COL19A1: variants seen among roughly 807,000 people sequenced by gnomAD.
COL19A1 encodes collagen type XIX alpha 1 chain.
A neutral mutation model predicts 190.2 loss-of-function variants in COL19A1; 159 were observed. The ratio of observed to expected loss-of-function variants is 0.84; its 90% CI spans 0.73 to 0.95. The LOEUF (loss-of-function observed/expected upper bound fraction) is 0.95, where lower values mean the gene tolerates loss of function less well. Ranked by LOEUF, COL19A1 falls within the 40% of genes least tolerant of loss-of-function variation. The pLI is 0.00. For synonymous variants in COL19A1, 509 were observed against 458.9 expected, an observed-to-expected ratio of 1.11 and a Z score of -1.39; for missense variants, 1,418 against 1,431.9, an observed-to-expected ratio of 0.99 and a Z score of 0.16.
chr6:69,975,489 A>T (rs1775663937), intron 11 of COL19A1, among the ~76,000 whole-genome samples: 1 of 152,214 alleles, frequency 6.6e-6, no homozygotes, highest in Admixed American at 6.5e-5. Context: ...CTAGAATCAC[A>T]CATGTTTAGA....
chr6:70,053,372 G>A (rs1302256856), intron 14 of COL19A1, among the ~76,000 whole-genome samples: 5 of 152,110 alleles, frequency 3.3e-5, no homozygotes, highest in Non-Finnish European at 5.9e-5. Context: ...TTGAAAATTA[G>A]GGTTTTTTTC....
intron 18 of COL19A1, among the ~76,000 whole-genome samples, chr6:70,132,875 T>G (rs974363991): frequency 1.3e-5 from 2 of 152,168 alleles, no homozygotes; most frequent in African/African-American, 4.8e-5. Flanking sequence ...AAGCATGCAT[T>G]TCCTCATTCA....
chr6:70,185,760 A>G (rs1329634100), intron 46 of COL19A1, among the ~76,000 whole-genome samples: 1 of 152,192 alleles, frequency 6.6e-6, no homozygotes, highest in African/African-American at 2.4e-5. Flanking sequence ...GTGTAATTCT[A>G]TTAAGGGTTG....
chr6:69,912,036 A>T (rs946027731), intron 4 of COL19A1, among the ~76,000 whole-genome samples: 2 of 152,176 alleles, frequency 1.3e-5, no homozygotes, highest in South Asian at 4.1e-4. Context: ...CAGCTGTCCT[A>T]ATTCCAATGC....
chr6:70,139,057 C>G (rs2150232084), intron 19 of COL19A1, among the ~76,000 whole-genome samples: 1 of 152,074 alleles, frequency 6.6e-6, no homozygotes, highest in African/African-American at 2.4e-5. Context: ...CATGGAGGAC[C>G]CTGCAGTAAG....
At chr6:70,046,908 G>C (rs1378670096) in intron 14 of COL19A1, among the ~76,000 whole-genome samples, 1 of 151,966 alleles carries the variant, frequency 6.6e-6, no homozygotes, top group Admixed American at 6.6e-5. Context: ...AAGCAACTGG[G>C]TTATTAACAA....
At chr6:70,126,166 C>A (rs376702865) in intron 17 of COL19A1, among the ~76,000 whole-genome samples, 10 of 144,142 alleles carry the variant, frequency 6.9e-5, no homozygotes, top group South Asian at 2.3e-4. Flanking sequence ...AAAAAAAAAA[C>A]CAATTTGCTA....
chr6:69,947,995 G>T (rs755795658), intron 9 of COL19A1, among the ~76,000 whole-genome samples: 12 of 151,702 alleles, frequency 7.9e-5, no homozygotes, highest in Non-Finnish European at 1.6e-4. Context: ...ATAAATAAAA[G>T]CTTCTTTAAA....
chr6:69,994,028 C>A (rs548359262), intron 11 of COL19A1, among the ~76,000 whole-genome samples: 1 of 151,494 alleles, frequency 6.6e-6, no homozygotes, highest in East Asian at 1.9e-4. Context: ...TTTTCAAGTT[C>A]CTCTAGGTGT....
chr6:70,034,364 T>A (rs1374866126), intron 13 of COL19A1, 66 bp downstream of exon 13: 1 of 1,171,016 alleles, frequency 8.5e-7, no homozygotes, highest in Non-Finnish European at 1.3e-6. Flanking sequence ...ATGCAGTGAC[T>A]TCTCATTGAT....
intron 27 of COL19A1, 139 bp downstream of exon 27, chr6:70,147,028 C>G (rs1369937746): frequency 2.0e-5 from 14 of 690,744 alleles, no homozygotes; most frequent in Non-Finnish European, 2.8e-5. Flanking sequence ...GACTGATCAG[C>G]ATTGAGGTTG....
At chr6:70,119,434 G>T (rs1784757363) in intron 16 of COL19A1, among the ~76,000 whole-genome samples, 1 of 152,180 alleles carries the variant, frequency 6.6e-6, no homozygotes, top group Admixed American at 6.5e-5. Flanking sequence ...CTACGTAGAA[G>T]TTTTGTTGAT....
At chr6:70,163,022 C>A (rs1187722989) in intron 35 of COL19A1, among the ~76,000 whole-genome samples, 3 of 152,100 alleles carry the variant, frequency 2.0e-5, no homozygotes, top group African/African-American at 7.2e-5. Context: ...AACTATAGCT[C>A]ATTTAGAAAG....
intron 16 of COL19A1, among the ~76,000 whole-genome samples, chr6:70,113,036 G>A (rs1315029114): frequency 1.3e-5 from 2 of 152,094 alleles, no homozygotes; most frequent in East Asian, 1.9e-4. Flanking sequence ...CCTGTTAATC[G>A]CACTGCCTCT....
intron 14 of COL19A1, among the ~76,000 whole-genome samples, chr6:70,053,578 TAG>T (rs1780331000): frequency 6.6e-6 from 1 of 152,202 alleles, no homozygotes; most frequent in Non-Finnish European, 1.5e-5. Context: ...TAAAATTAGG[TAG>T]TTCGACCGAT....
intron 16 of COL19A1, among the ~76,000 whole-genome samples, chr6:70,109,212 G>A (rs1562181428): frequency 1.3e-5 from 2 of 152,118 alleles, no homozygotes; most frequent in African/African-American, 2.4e-5. Context: ...TTGGAAGGAG[G>A]AGATGTTCTT....
At chr6:70,038,774 G>C (rs190346287) in intron 14 of COL19A1, among the ~76,000 whole-genome samples, 1 of 152,188 alleles carries the variant, frequency 6.6e-6, no homozygotes, top group African/African-American at 2.4e-5. Flanking sequence ...AAGGGAGTCA[G>C]ATACTACTGG....
intron 11 of COL19A1, among the ~76,000 whole-genome samples, chr6:70,001,670 C>G (rs187047138): frequency 2.8e-4 from 43 of 152,082 alleles, no homozygotes; most frequent in Admixed American, 2.4e-3. Context: ...TCTCTACTTG[C>G]CTGTTGTTGT....
intron 11 of COL19A1, among the ~76,000 whole-genome samples, chr6:69,970,193 A>T (rs1775344169): frequency 6.6e-6 from 1 of 152,216 alleles, no homozygotes; most frequent in Admixed American, 6.5e-5. Flanking sequence ...TTTTAAATTA[A>T]CAGTAGAGTA....
Sources: gnomAD v4.1 joint callset for allele counts (sites outside exome capture counted in the v4.1 genomes callset) on GRCh38, gnomAD v4.1.1 for gene constraint, MANE v1.5 for transcripts, NCBI Gene and HGNC (gene_info 2026-07-23, HGNC 2026-07-21) for gene names.